The following MACROD2 variants were observed in gnomAD, a reference collection of about 807,000 sequenced individuals.
MACROD2 encodes ADP-ribose glycohydrolase MACROD2.
A neutral mutation model predicts 70.4 loss-of-function variants in MACROD2; 36 were observed. The ratio of observed to expected loss-of-function variants is 0.51; its 90% CI spans 0.39 to 0.68. The LOEUF is 0.68. Among genes scored for constraint, MACROD2 ranks in the 30% least tolerant of loss-of-function variants. The pLI is 0.00. For synonymous variants in MACROD2, 172 were observed against 178.8 expected, an observed-to-expected ratio of 0.96 and a Z score of 0.30; for missense variants, 496 against 538.4, an observed-to-expected ratio of 0.92 and a Z score of 0.78.
intron 3 of MACROD2, among the ~76,000 whole-genome samples, chr20:14,274,471 A>T (rs2082230803): frequency 6.6e-6 from 1 of 152,218 alleles, no homozygotes; most frequent in Non-Finnish European, 1.5e-5. Context: ...ACTCTCAATA[A>T]ATTAGGTATT....
intron 3 of MACROD2, among the ~76,000 whole-genome samples, chr20:14,491,107 TAA>T (rs951518586): frequency 1.2e-4 from 19 of 152,272 alleles, no homozygotes; most frequent in Non-Finnish European, 4.4e-5. Flanking sequence ...ATGGAAGAAG[TAA>T]CGTGAAGCTA....
chr20:15,458,850 C>T (rs1005518693), intron 7 of MACROD2, among the ~76,000 whole-genome samples: 4 of 152,032 alleles, frequency 2.6e-5, no homozygotes, highest in Admixed American at 6.6e-5. Flanking sequence ...GAGAAGTACC[C>T]CTTCACCTGC....
At chr20:14,945,847 G>A (rs1444606631) in intron 5 of MACROD2, among the ~76,000 whole-genome samples, 1 of 152,130 alleles carries the variant, frequency 6.6e-6, no homozygotes, top group Non-Finnish European at 1.5e-5. Flanking sequence ...GAGTTTTATG[G>A]TGGCCTCACT....
chr20:15,289,114 T>C (rs2146103518), intron 6 of MACROD2, among the ~76,000 whole-genome samples: 1 of 152,262 alleles, frequency 6.6e-6, no homozygotes, highest in Non-Finnish European at 1.5e-5. Context: ...ATGGGATGGA[T>C]GCTAATCACA....
chr20:16,013,604 C>T (rs1398462891), intron 15 of MACROD2, among the ~76,000 whole-genome samples: 4 of 152,188 alleles, frequency 2.6e-5, no homozygotes, highest in Admixed American at 6.5e-5. Flanking sequence ...CTGTTAAATG[C>T]CCAGGTGACA....
chr20:15,635,658 C>T (rs1348862648), intron 8 of MACROD2, among the ~76,000 whole-genome samples: 1 of 152,166 alleles, frequency 6.6e-6, no homozygotes, highest in African/African-American at 2.4e-5. Context: ...TTGATGGGAC[C>T]ACTCATACCC....
chr20:14,382,218 G>A (rs996211199), intron 3 of MACROD2, among the ~76,000 whole-genome samples: 3 of 151,652 alleles, frequency 2.0e-5, no homozygotes, highest in African/African-American at 7.3e-5. Context: ...TCCCTGCCAC[G>A]CCCAGCTAAT....
chr20:15,954,904 C>A (rs1223021601), intron 12 of MACROD2, among the ~76,000 whole-genome samples: 1 of 152,200 alleles, frequency 6.6e-6, no homozygotes, highest in Non-Finnish European at 1.5e-5. Context: ...TACCATCCCA[C>A]TTTACAAATG....
At chr20:15,268,794 A>G (rs2077320114) in intron 6 of MACROD2, among the ~76,000 whole-genome samples, 1 of 152,228 alleles carries the variant, frequency 6.6e-6, no homozygotes. Context: ...TGAGTTAACT[A>G]ATGAACAAAT....
intron 4 of MACROD2, among the ~76,000 whole-genome samples, chr20:14,643,522 G>C (rs1219409278): frequency 6.6e-6 from 1 of 152,162 alleles, no homozygotes; most frequent in African/African-American, 2.4e-5. Flanking sequence ...ATTAAGACAG[G>C]CTTGATGAGC....
intron 3 of MACROD2, among the ~76,000 whole-genome samples, chr20:14,212,345 T>C (rs2081577964): frequency 6.6e-6 from 1 of 152,144 alleles, no homozygotes; most frequent in African/African-American, 2.4e-5. Context: ...TTCACAATTA[T>C]AAACTTGCCT....
Position 15,784,368 on chromosome 20 carries a change from G to C in MACROD2, c.646-78377G>C, listed in dbSNP as rs182772218. 7.7e-4 allele frequency among the ~76,000 whole-genome samples: 117 copies of C among 152,120 alleles called. 1 individual carries two copies. Among genetic ancestry groups the C allele is most frequent in the African/African-American group, 2.7e-3 (113 of 41,524 alleles). The stretch of plus-strand genomic sequence containing the variant: ...TTTATATGGTATTAATCACATCTAA[G>C]TAAACTTGCTTTTTGTTTGAAGCCA... On this transcript the variant is annotated intron_variant, in intron 8 of 17. Transcript: ENST00000684519.
intron 8 of MACROD2, among the ~76,000 whole-genome samples, chr20:15,631,473 C>T (rs2049289826): frequency 6.6e-6 from 1 of 152,034 alleles, no homozygotes; most frequent in Non-Finnish European, 1.5e-5. Flanking sequence ...TGTTTTAACC[C>T]CCCAGAGATA....
chr20:15,924,889 G>A (rs1205805366), intron 10 of MACROD2, among the ~76,000 whole-genome samples: 1 of 152,126 alleles, frequency 6.6e-6, no homozygotes, highest in Non-Finnish European at 1.5e-5. Context: ...TAGGCTCACT[G>A]GTTATCTAGA....
At position 14,092,292 on chromosome 20, in the gene MACROD2, C is replaced by T. The variant is rs191476128; in HGVS notation, c.271+6564C>T. Among the ~76,000 whole-genome samples the T allele has an allele frequency of 1.2e-4, 19 of 152,044 alleles. No homozygotes were observed. The East Asian group carries it at 3.3e-3, about 26-fold the overall frequency. ...AACACCTCTCCATATGCTTATTTGC[C>T]ACCTGTATGTCTTTTTGGTGAAATA... On this transcript the variant is annotated intron_variant, in intron 3 of 17. Coordinates refer to ENST00000684519, the MANE Select transcript of MACROD2 (RefSeq NM_001351661.2).
rs116801734 is a variant in MACROD2 at position 15,738,698 on chromosome 20, G to A, written c.646-124047G>A. 5.5e-3 allele frequency among the ~76,000 whole-genome samples: 830 copies of A among 152,266 alleles called. 9 individuals are homozygous for A. Among genetic ancestry groups the A allele is most frequent in the African/African-American group, 0.019 (791 of 41,548 alleles). ...GAAGACATTGATGAAGATGGATAAGGTGTAGTTGGGAGCATACAGAATCCC... is the reference window on the plus strand; with the variant it reads ...GAAGACATTGATGAAGATGGATAAGATGTAGTTGGGAGCATACAGAATCCC... On this transcript the variant is annotated intron_variant, in intron 8 of 17. Transcript: ENST00000684519.
intron 3 of MACROD2, among the ~76,000 whole-genome samples, chr20:14,183,061 T>TTCTG (rs2081317475): frequency 6.9e-6 from 1 of 145,660 alleles, no homozygotes; most frequent in South Asian, 2.2e-4. Flanking sequence ...CTATGTAACC[T>TTCTG]ATTTGTTACA....
intron 4 of MACROD2, among the ~76,000 whole-genome samples, chr20:14,544,995 A>G (rs1218236940): frequency 6.6e-6 from 1 of 152,198 alleles, no homozygotes; most frequent in African/African-American, 2.4e-5. Context: ...AAATGGTAAG[A>G]GCTGAGGGCA....
At chr20:15,186,926 A>T (rs1246930209) in intron 5 of MACROD2, among the ~76,000 whole-genome samples, 1 of 152,240 alleles carries the variant, frequency 6.6e-6, no homozygotes, top group Non-Finnish European at 1.5e-5. Flanking sequence ...CGCATATTTT[A>T]ACATCTGATA....
Sources: gnomAD v4.1 joint callset for allele counts (sites outside exome capture counted in the v4.1 genomes callset) on GRCh38, gnomAD v4.1.1 for gene constraint, MANE v1.5 for transcripts, NCBI Gene and HGNC (gene_info 2026-07-23, HGNC 2026-07-21) for gene names.